Variants in GPCPD1 observed in about 807,000 individuals in gnomAD.
GPCPD1 encodes the protein glycerophosphocholine phosphodiesterase GPCPD1.
Under a neutral mutation model 89.2 loss-of-function variants are expected in GPCPD1, and 29 were observed. The observed-to-expected ratio is 0.33, with a 90% confidence interval of 0.24 to 0.44. The LOEUF is 0.44. GPCPD1 is among the 20% of genes least tolerant of loss of function. The pLI is 1.00. For synonymous variants in GPCPD1, 258 were observed against 266.3 expected (o/e 0.97, Z 0.30); for missense variants, 594 against 808.9 (o/e 0.73, Z 3.22).
intron 1 of GPCPD1, among the ~76,000 whole-genome samples, chr20:5,606,688 C>T (rs918939811): frequency 1.3e-5 from 2 of 152,158 alleles, no homozygotes; most frequent in African/African-American, 4.8e-5. Flanking sequence ...CCATACAATA[C>T]GCAGAACAGC....
chr20:5,561,143 T>C (rs1208972770), intron 16 of GPCPD1, among the ~76,000 whole-genome samples: 11 of 152,218 alleles, frequency 7.2e-5, no homozygotes, highest in Admixed American at 5.2e-4. Flanking sequence ...CATTCTTATA[T>C]GGGAATAAGA....
At chr20:5,568,761 T>C (rs1303948005) in intron 12 of GPCPD1, among the ~76,000 whole-genome samples, 1 of 151,984 alleles carries the variant, frequency 6.6e-6, no homozygotes, top group African/African-American at 2.4e-5. Flanking sequence ...CAAAAATTAG[T>C]TGGGCTTGGT....
chr20:5,609,458 C>A (rs1980809607), intron 1 of GPCPD1, among the ~76,000 whole-genome samples: 1 of 152,160 alleles, frequency 6.6e-6, no homozygotes, highest in Admixed American at 6.5e-5. Context: ...AGTTTCTTTA[C>A]GCCAAGTTAA....
chr20:5,566,351 TAAAG>T (rs1986393777), intron 14 of GPCPD1, among the ~76,000 whole-genome samples: 1 of 152,206 alleles, frequency 6.6e-6, no homozygotes, highest in Non-Finnish European at 1.5e-5. Flanking sequence ...AGTGAAATTA[TAAAG>T]GGATGTGGTA....
chr20:5,573,973 A>T lies in GPCPD1; in HGVS notation c.1002-4T>A, dbSNP rs1032359077. The T allele has an allele frequency of 6.4e-6, 9 of 1,413,394 alleles. No individual in the cohort carries two copies. Among genetic ancestry groups the T allele is most frequent in the Admixed American group, 3.4e-5 (2 of 59,576 alleles). The allele number at this position is 1,413,394 out of a possible 1,614,324, so 87.6% of individuals were successfully genotyped here. ...ATTTTCTTGAACTTTAGCCAGCCTG[A>T]AAAGAAGAAATACAGTTAACATAGA... On this transcript the variant is annotated splice_region_variant and splice_polypyrimidine_tract_variant and intron_variant, in intron 10 of 19. Transcript: ENST00000379019.
chr20:5,590,358 C>T (rs572874529), intron 4 of GPCPD1, among the ~76,000 whole-genome samples: 5 of 151,370 alleles, frequency 3.3e-5, no homozygotes, highest in South Asian at 2.1e-4. Context: ...CTGGCTAACA[C>T]GGCAAAACCC....
rs577205943 is a variant in GPCPD1, at chr20:5,588,339, T to C, written c.232-2070A>G. ...GGCCAACATAGTGAAACCCCATCTCTACTAAAAATACAAAAATTAGCTAGG... is the reference window on the plus strand; with the variant it reads ...GGCCAACATAGTGAAACCCCATCTCCACTAAAAATACAAAAATTAGCTAGG... On this transcript the variant is annotated intron_variant, in intron 4 of 19. Coordinates refer to ENST00000379019, the MANE Select transcript of GPCPD1 (RefSeq NM_019593.5). Among the ~76,000 whole-genome samples the C allele has an allele frequency of 5.3e-5, 8 of 151,516 alleles. No homozygotes were observed. The East Asian group carries it at 1.6e-3, about 29-fold the overall frequency.
At chr20:5,604,771 G>A (rs1980453589) in intron 1 of GPCPD1, among the ~76,000 whole-genome samples, 1 of 71,908 alleles carries the variant, frequency 1.4e-5, no homozygotes, top group African/African-American at 6.5e-5. Flanking sequence ...GAGGCCTCAT[G>A]TCTACACACA....
intron 2 of GPCPD1, among the ~76,000 whole-genome samples, chr20:5,602,553 G>A (rs999610262): frequency 1.3e-5 from 2 of 152,228 alleles, no homozygotes; most frequent in African/African-American, 2.4e-5. Flanking sequence ...GCCAATTGCT[G>A]TGATGAATGC....
At position 5,547,787 on chromosome 20, in the gene GPCPD1, C is replaced by T. The variant is rs751062318; in HGVS notation, c.1893G>A (p.Lys631=). The change falls in exon 20 of 20, where the codon AAG becomes AAA. Residue 631 remains lysine (K), a synonymous_variant. Coordinates refer to ENST00000379019, the MANE Select transcript of GPCPD1 (RefSeq NM_019593.5). ...AGCTCTTAAGCTCTGGCAATTCCTG[C>T]TTCAGGCGTTCCAATTGCTCCACTT... ...IFQVEQLERL[K]QELPELKSCL... The T allele has an allele frequency of 6.2e-7, 1 of 1,611,058 alleles. No homozygotes were observed. The highest frequency in any genetic ancestry group is 1.7e-5 in the Admixed American group (1 of 59,972).
At chr20:5,599,695 C>T (rs895698728) in intron 2 of GPCPD1, among the ~76,000 whole-genome samples, 12 of 151,896 alleles carry the variant, frequency 7.9e-5, no homozygotes, top group Non-Finnish European at 2.9e-5. Context: ...GCTGGGATTA[C>T]AAGTGCGCAC....
At chr20:5,595,493 T>G (rs1469146002) in intron 3 of GPCPD1, among the ~76,000 whole-genome samples, 1 of 151,528 alleles carries the variant, frequency 6.6e-6, no homozygotes, top group African/African-American at 2.4e-5. Flanking sequence ...ATATAAAAAT[T>G]AGCCAGGCGA....
Position 5,547,236 on chromosome 20 carries a change from G to C in GPCPD1, c.*425C>G, listed in dbSNP as rs1985071702. 6.6e-6 allele frequency: 1 copy of C among 152,536 alleles called. No homozygotes were observed. The allele number at this position is 152,536 out of a possible 1,614,324, so 9.4% of individuals were successfully genotyped here. ...CACCAGTGCAAATGCATGCATTTGAGGTACTTATTTTTTTCATGGTCAGGT... is the reference window on the plus strand; with the variant it reads ...CACCAGTGCAAATGCATGCATTTGACGTACTTATTTTTTTCATGGTCAGGT... On this transcript the variant is annotated 3_prime_UTR_variant, in exon 20 of 20. Transcript: ENST00000379019.
chr20:5,555,072 C>T lies in GPCPD1; in HGVS notation c.1829+2873G>A, dbSNP rs568686952. Among the ~76,000 whole-genome samples, 315 of 152,270 alleles carry T rather than the reference C, an allele frequency of 2.1e-3. 5 individuals carry two copies. The highest frequency in any genetic ancestry group is 7.1e-3 in the African/African-American group (297 of 41,554). Reference sequence around the variant, plus strand: ...AATCTCATGATAAAACTTTAACAGACGAGGAGTTGCTTCTTATGGATGAGG... The same window carrying T: ...AATCTCATGATAAAACTTTAACAGATGAGGAGTTGCTTCTTATGGATGAGG... On this transcript the variant is annotated intron_variant, in intron 19 of 19. Transcript: ENST00000379019.
intron 4 of GPCPD1, among the ~76,000 whole-genome samples, chr20:5,587,387 T>C (rs76615230): frequency 6.6e-6 from 1 of 152,008 alleles, no homozygotes; most frequent in African/African-American, 2.4e-5. Flanking sequence ...TTTTTTTTTT[T>C]AGACAGAGTC....
At chr20:5,591,960 T>C (rs1979357810) in intron 4 of GPCPD1, among the ~76,000 whole-genome samples, 1 of 152,250 alleles carries the variant, frequency 6.6e-6, no homozygotes, top group Non-Finnish European at 1.5e-5. Flanking sequence ...AACTTGTTTT[T>C]ACTGTTAAGC....
intron 1 of GPCPD1, among the ~76,000 whole-genome samples, chr20:5,609,707 T>C (rs1416594491): frequency 2.0e-5 from 3 of 152,200 alleles, no homozygotes; most frequent in Non-Finnish European, 2.9e-5. Flanking sequence ...CGTCGTTATT[T>C]TGCAGATTTA....
chr20:5,563,756 A>G (rs1317625623), intron 15 of GPCPD1, among the ~76,000 whole-genome samples: 2 of 152,222 alleles, frequency 1.3e-5, no homozygotes, highest in African/African-American at 4.8e-5. Context: ...TGAATAATCA[A>G]TACTTAATTT....
rs769755511 is a variant in GPCPD1, at chr20:5,546,486, C to T, written c.*1175G>A. The T allele has an allele frequency of 6.6e-6, 1 of 152,126 alleles. No homozygotes were observed. Among genetic ancestry groups the T allele is most frequent in the Non-Finnish European group, 1.5e-5 (1 of 68,014 alleles). The allele number at this position is 152,126 out of a possible 1,614,324, so 9.4% of individuals were successfully genotyped here. ...TGTAATGAAGAAAATAAATCTGTATCATTTTATTTAACATTCATTCTTTAA... is the reference window on the plus strand; with the variant it reads ...TGTAATGAAGAAAATAAATCTGTATTATTTTATTTAACATTCATTCTTTAA... On this transcript the variant is annotated 3_prime_UTR_variant, in exon 20 of 20. Coordinates refer to ENST00000379019, the MANE Select transcript of GPCPD1 (RefSeq NM_019593.5).
Sources: allele counts gnomAD v4.1 joint callset (sites outside exome capture counted in the v4.1 genomes callset), GRCh38; gene constraint gnomAD v4.1.1; transcripts MANE v1.5; gene names NCBI Gene and HGNC (gene_info 2026-07-23, HGNC 2026-07-21).